The following SLC67A1 variants were observed in gnomAD, a reference collection of about 807,000 sequenced individuals.
SLC67A1 encodes the protein solute carrier family 67 member 1.
the SLC67A1 span, chr11:2,909,621 G>T: frequency 6.5e-7 from 1 of 1,532,464 alleles, no homozygotes; most frequent in Non-Finnish European, 8.7e-7. Context: ...CCGAGGAGCG[G>T]CCCGCGGCCC....
chr11:2,922,729 G>GGATCCCCACCT, the SLC67A1 span, among the ~76,000 whole-genome samples: 1 of 151,772 alleles, frequency 6.6e-6, no homozygotes, highest in Non-Finnish European at 1.5e-5. Context: ...TGTGGGATGA[G>GGATCCCCACCT]TAAGGTGGGG....
At chr11:2,912,282 G>A in the SLC67A1 span, among the ~76,000 whole-genome samples, 1 of 152,204 alleles carries the variant, frequency 6.6e-6, no homozygotes, top group Non-Finnish European at 1.5e-5. Flanking sequence ...CCTCCCCCTC[G>A]GGGGCTCACC....
At chr11:2,910,038 A>G in the SLC67A1 span, among the ~76,000 whole-genome samples, 1 of 152,176 alleles carries the variant, frequency 6.6e-6, no homozygotes, top group African/African-American at 2.4e-5. Context: ...TGCTGGGGAC[A>G]GGAGCACCCT....
the SLC67A1 span, among the ~76,000 whole-genome samples, chr11:2,917,314 A>C: frequency 2.0e-5 from 3 of 152,228 alleles, no homozygotes; most frequent in Non-Finnish European, 4.4e-5. Flanking sequence ...CTAAGAGCCC[A>C]GCCTGGGCCA....
the SLC67A1 span, chr11:2,915,073 G>A: frequency 4.4e-5 from 43 of 985,386 alleles, no homozygotes; most frequent in African/African-American, 3.3e-4. Flanking sequence ...ATGGATTGGC[G>A]GGGGCAGCAG....
the SLC67A1 span, among the ~76,000 whole-genome samples, chr11:2,907,404 C>G: frequency 1.3e-5 from 2 of 152,190 alleles, no homozygotes; most frequent in Admixed American, 6.5e-5. The surrounding 1 kb of genome is among the most constrained non-coding windows in gnomAD (Gnocchi z 6.7). Context: ...CCCAGACATC[C>G]CTTGGCTTGT....
At chr11:2,912,831 G>T in the SLC67A1 span, among the ~76,000 whole-genome samples, 1 of 152,178 alleles carries the variant, frequency 6.6e-6, no homozygotes, top group Non-Finnish European at 1.5e-5. Flanking sequence ...CCTATCCTGA[G>T]CCAGACAGCA....
chr11:2,901,693 G>A, the SLC67A1 span, among the ~76,000 whole-genome samples: 1 of 152,210 alleles, frequency 6.6e-6, no homozygotes, highest in Admixed American at 6.5e-5. Context: ...GTGGCAGGCA[G>A]GGTGAAATGG....
chr11:2,909,380 C>A, the SLC67A1 span: 1 of 1,508,344 alleles, frequency 6.6e-7, no homozygotes, highest in Non-Finnish European at 8.8e-7. Context: ...GACTGGAGTC[C>A]AGGTGGGGCC....
the SLC67A1 span, among the ~76,000 whole-genome samples, chr11:2,912,752 G>T: frequency 7.2e-3 from 1,101 of 152,326 alleles, 10 homozygotes; most frequent in African/African-American, 0.026. Flanking sequence ...GGTGGGGGGT[G>T]GCTCTGTGAC....
chr11:2,908,168 G>C, the SLC67A1 span: 1 of 1,155,288 alleles, frequency 8.7e-7, no homozygotes, highest in Non-Finnish European at 1.3e-6. Flanking sequence ...CCCATCCAGG[G>C]ACCCCAGATT....
chr11:2,921,206 G>T, the SLC67A1 span: 1 of 148,984 alleles, frequency 6.7e-6, no homozygotes, highest in African/African-American at 2.5e-5. Flanking sequence ...AGTCCACGCT[G>T]GGCGACAGAG....
the SLC67A1 span, among the ~76,000 whole-genome samples, chr11:2,905,929 G>T: frequency 6.6e-6 from 1 of 152,226 alleles, no homozygotes; most frequent in Non-Finnish European, 1.5e-5. Flanking sequence ...ACTGTGCAGA[G>T]AAACGGAGAG....
At chr11:2,925,100 T>C in the SLC67A1 span, 4 of 1,613,846 alleles carry the variant, frequency 2.5e-6, no homozygotes, top group Non-Finnish European at 8.5e-7. This position sits in a 1 kb window ranked among gnomAD's most constrained non-coding sequence, Gnocchi z 6.5. Flanking sequence ...AGCTTTGGCG[T>C]CCCCGTCTTC....
At chr11:2,899,863 G>T in the SLC67A1 span, 2 of 733,370 alleles carry the variant, frequency 2.7e-6, no homozygotes, top group Non-Finnish European at 4.3e-6. Context: ...AGCCTCCCTC[G>T]CACACCTCTG....
At chr11:2,922,697 T>TGGGGTCTGTGTGGAGTGTGGGGGGTGGGG in the SLC67A1 span, 1 of 11,438 alleles carries the variant, frequency 8.7e-5, no homozygotes, top group Non-Finnish European at 1.8e-4. Context: ...GTGGAGTGGG[T>TGGGGTCTGTGTGGAGTGTGGGGGGTGGGG]GGGGTGGGGG....
chr11:2,905,410 T>G, the SLC67A1 span, among the ~76,000 whole-genome samples: 2 of 152,208 alleles, frequency 1.3e-5, no homozygotes, highest in East Asian at 1.9e-4. Context: ...AATGGGGACC[T>G]CAGGGAGAGG....
At chr11:2,916,679 C>T in the SLC67A1 span, 1 of 1,613,036 alleles carries the variant, frequency 6.2e-7, no homozygotes, top group Admixed American at 1.7e-5. Context: ...CTGTCCTCAG[C>T]TTCACCTGCA....
the SLC67A1 span, chr11:2,909,311 C>T: frequency 3.3e-6 from 5 of 1,533,706 alleles, no homozygotes; most frequent in Non-Finnish European, 1.7e-6. Flanking sequence ...GGTCTACCTG[C>T]TCTTCGCCTC....
Sources: gnomAD v4.1 joint callset for allele counts (sites outside exome capture counted in the v4.1 genomes callset) on GRCh38, gnomAD v4.1.1 for gene constraint, Gnocchi (gnomAD v3.1) non-coding constraint, MANE v1.5 for transcripts, NCBI Gene and HGNC (gene_info 2026-07-23, HGNC 2026-07-21) for gene names.